ERBB2: variants seen among roughly 807,000 people sequenced by gnomAD.
ERBB2 encodes receptor tyrosine-protein kinase erbB-2.
In ERBB2, 61 loss-of-function variants were observed where a neutral mutation model predicts 149.0. The observed-to-expected ratio is 0.41, with a 90% CI of 0.33 to 0.51. The LOEUF is 0.51. Among genes scored for constraint, ERBB2 ranks in the 20% least tolerant of loss-of-function variants. ERBB2 has a pLI of 0.25. For synonymous variants in ERBB2, 633 were observed against 678.8 expected, an observed-to-expected ratio of 0.93 and a Z score of 1.05; for missense variants, 1,205 against 1,655.1, an observed-to-expected ratio of 0.73 and a Z score of 4.72.
intron 1 of ERBB2, among the ~76,000 whole-genome samples, chr17:39,701,320 T>C (rs1257907493): frequency 6.6e-6 from 1 of 152,176 alleles, no homozygotes; most frequent in East Asian, 1.9e-4. Context: ...TCTGCCAGCA[T>C]TCTGGACTGA....
chr17:39,697,646 G>A (rs575699314), upstream of ERBB2, among the ~76,000 whole-genome samples: 174 of 148,782 alleles, frequency 1.2e-3, no homozygotes, highest in African/African-American at 4.2e-3. Flanking sequence ...ATGAGCCACC[G>A]CACCCAGCCG....
chr17:39,701,902 C>T (rs894979191), intron 1 of ERBB2, among the ~76,000 whole-genome samples: 1 of 152,188 alleles, frequency 6.6e-6, no homozygotes. Context: ...CTCTCATCTT[C>T]TGATGAGAAG....
rs578192771 is a variant in ERBB2 at position 39,700,448 on chromosome 17, C to T, written c.73+137C>T. On this transcript the variant is annotated intron_variant, in intron 1 of 26. Transcript: ENST00000269571. ...CCCGAAGTTGTGGACAGTCGAGACG[C>T]TCAGGGCAGCCGGGCCCTGGGGCCC... is the stretch of plus-strand genomic sequence containing the variant. The T allele has an allele frequency of 7.6e-5, 54 of 708,414 alleles. 1 individual carries two copies. Among genetic ancestry groups the T allele is most frequent in the Admixed American group, 2.6e-4 (6 of 22,906 alleles). The allele number at this position is 708,414 out of a possible 1,614,324, so 43.9% of individuals were successfully genotyped here. A position where few individuals can be genotyped will look rare whatever the true frequency, so the allele number is the denominator to read the frequency against.
At chr17:39,718,447 G>A (rs1002391783) in intron 15 of ERBB2, among the ~76,000 whole-genome samples, 1 of 152,112 alleles carries the variant, frequency 6.6e-6, no homozygotes, top group Non-Finnish European at 1.5e-5. Flanking sequence ...CACTTATATA[G>A]ACATACTACA....
chr17:39,723,890 A>G lies in ERBB2; in HGVS notation c.2209-22A>G, dbSNP rs1250288669. Reference sequence around the variant, plus strand: ...GATCCAGCCCACGCTCTTCTCACTCATATCCTCCTCTTTCTGCCCAGGGCA... The same window carrying G: ...GATCCAGCCCACGCTCTTCTCACTCGTATCCTCCTCTTTCTGCCCAGGGCA... On this transcript the variant is annotated intron_variant, in intron 18 of 26. Coordinates refer to ENST00000269571, the MANE Select transcript of ERBB2 (RefSeq NM_004448.4). This position sits in a 1 kb window ranked among gnomAD's most constrained non-coding sequence, Gnocchi z 6.2. The G allele has an allele frequency of 6.3e-6, 10 of 1,599,648 alleles. No individual in the cohort carries two copies. The highest frequency in any genetic ancestry group is 3.3e-4 in the Middle Eastern group (2 of 6,034).
At position 39,708,196 on chromosome 17, in the gene ERBB2, G is replaced by A. The variant is rs1023111452; in HGVS notation, c.226-125G>A. ...ATCTCTATTTTATCGTTTTATTTAA[G>A]CGGGAACAGGACTGCTCAGTGGCTG... On this transcript the variant is annotated intron_variant, in intron 2 of 26. Coordinates refer to ENST00000269571, the MANE Select transcript of ERBB2 (RefSeq NM_004448.4). 5 of 635,830 alleles carry A rather than the reference G, an allele frequency of 7.9e-6. No homozygotes were observed. In the Admixed American group the frequency reaches 1.2e-4, roughly 15 times the overall value. The allele number at this position is 635,830 out of a possible 1,614,324, so 39.4% of individuals were successfully genotyped here. A position where few individuals can be genotyped will look rare whatever the true frequency, so the allele number is the denominator to read the frequency against.
At chr17:39,699,513 C>A, upstream of ERBB2, 2 of 1,521,370 alleles carry the variant, frequency 1.3e-6, no homozygotes, top group Non-Finnish European at 1.8e-6. Flanking sequence ...AATTTGTAGA[C>A]CCTCTTAAGA....
chr17:39,713,509 G>A (rs1219725756), intron 9 of ERBB2, among the ~76,000 whole-genome samples: 1 of 151,766 alleles, frequency 6.6e-6, no homozygotes, highest in African/African-American at 2.4e-5. Flanking sequence ...CCAGCACTTT[G>A]GGAGGCCGAG....
At chr17:39,691,296 C>A (rs1370596088), upstream of ERBB2, among the ~76,000 whole-genome samples, 1 of 151,984 alleles carries the variant, frequency 6.6e-6, no homozygotes, top group Non-Finnish European at 1.5e-5. Flanking sequence ...GTAATCCCAG[C>A]ACTGTGGGAG....
At chr17:39,719,112 T>C (rs2145736856) in intron 15 of ERBB2, among the ~76,000 whole-genome samples, 1 of 150,910 alleles carries the variant, frequency 6.6e-6, no homozygotes, top group African/African-American at 2.4e-5. Flanking sequence ...AATACAAAAA[T>C]TAGCCAGGCG....
intron 1 of ERBB2, 62 bp downstream of exon 1, chr17:39,700,373 C>A (rs1168446751): frequency 2.4e-6 from 3 of 1,228,584 alleles, no homozygotes; most frequent in Non-Finnish European, 3.1e-6. Flanking sequence ...GATGCCCCGC[C>A]GAGGTCCCGC....
At position 39,726,467 on chromosome 17, in the gene ERBB2, G is replaced by T; in HGVS notation, c.2873-95G>T. 9.8e-7 allele frequency: 1 copy of T among 1,022,244 alleles called. No homozygotes were observed. The highest frequency in any genetic ancestry group is 1.9e-5 in the Admixed American group (1 of 52,828). 63.3% of individuals were successfully genotyped at this position (1,022,244 alleles called of 1,614,324 possible). On this transcript the variant is annotated intron_variant, in intron 23 of 26. Coordinates refer to ENST00000269571, the MANE Select transcript of ERBB2 (RefSeq NM_004448.4). This position sits in a 1 kb window ranked among gnomAD's most constrained non-coding sequence, Gnocchi z 5.1. Reference sequence around the variant, plus strand: ...CCTGAGGGCTTTGGGCTGTCCCTTGGGACTGTCTAGACCAGACTGGAGGGG... The same window carrying T: ...CCTGAGGGCTTTGGGCTGTCCCTTGTGACTGTCTAGACCAGACTGGAGGGG...
chr17:39,728,148 A>G lies in ERBB2; in HGVS notation c.*104A>G. On this transcript the variant is annotated 3_prime_UTR_variant, in exon 27 of 27. Coordinates refer to ENST00000269571, the MANE Select transcript of ERBB2 (RefSeq NM_004448.4). ...GTGGGAGGGCCCTCCGACCACTTCC[A>G]GGGGAACCTGCCATGCCAGGAACCT... The G allele has an allele frequency of 3.9e-6, 3 of 775,268 alleles. No homozygotes were observed. 48.0% of individuals were successfully genotyped at this position (775,268 alleles called of 1,614,324 possible). A position where few individuals can be genotyped will look rare whatever the true frequency, so the allele number is the denominator to read the frequency against.
rs994120817 is a variant in ERBB2 at position 39,700,152 on chromosome 17, G to T, written c.-87G>T. The stretch of plus-strand genomic sequence containing the variant: ...GGGCCCTTTACTGCGCCGCGCGCCC[G>T]GCCCCCACCCCTCGCAGCACCCCGC... On this transcript the variant is annotated 5_prime_UTR_variant, in exon 1 of 27. Transcript: ENST00000269571. 9 of 1,319,692 alleles carry T rather than the reference G, an allele frequency of 6.8e-6. No homozygotes were observed. The highest frequency in any genetic ancestry group is 5.7e-4 in the Middle Eastern group (2 of 3,508). The allele number at this position is 1,319,692 out of a possible 1,614,324, so 81.7% of individuals were successfully genotyped here.
chr17:39,708,214 A>G, intron 2 of ERBB2, 107 bp from the exon 3 acceptor site: 1 of 747,020 alleles, frequency 1.3e-6, no homozygotes, highest in East Asian at 2.6e-5. Flanking sequence ...AGGACTGCTC[A>G]GTGGCTGGGG....
chr17:39,695,758 C>CACACACACACGT (rs2057850041), upstream of ERBB2, among the ~76,000 whole-genome samples: 1 of 148,802 alleles, frequency 6.7e-6, no homozygotes, highest in Non-Finnish European at 1.5e-5. Flanking sequence ...CACACACACA[C>CACACACACACGT]GTCTCCTGTG....
chr17:39,697,349 G>T (rs12103924), upstream of ERBB2, among the ~76,000 whole-genome samples: 10,155 of 131,860 alleles, frequency 0.077, 1,043 homozygotes, highest in African/African-American at 0.24. Flanking sequence ...TTGTTTTTTT[G>T]TTTTGTTTTT....
chr17:39,701,950 C>T (rs554065037), intron 1 of ERBB2, among the ~76,000 whole-genome samples: 1 of 152,244 alleles, frequency 6.6e-6, no homozygotes, highest in Non-Finnish European at 1.5e-5. Flanking sequence ...GAGCTGCTGC[C>T]CTTCCTCACC....
chr17:39,716,031 AG>A lies in ERBB2; in HGVS notation c.1513+93del. On this transcript the variant is annotated intron_variant, in intron 12 of 26. Transcript: ENST00000269571. ...GGCAGCAGCGTTCTTGGACTTGTGC[AG>A]ACTGCCCGTCTCTGTGCACCCTTCT... The A allele has an allele frequency of 3.1e-6, 4 of 1,305,574 alleles. No homozygotes were observed. In the South Asian group the frequency reaches 3.9e-5, roughly 13 times the overall value. The allele number at this position is 1,305,574 out of a possible 1,614,324, so 80.9% of individuals were successfully genotyped here. A position where few individuals can be genotyped will look rare whatever the true frequency, so the allele number is the denominator to read the frequency against.
Sources: gnomAD v4.1 joint callset for allele counts (sites outside exome capture counted in the v4.1 genomes callset) on GRCh38, gnomAD v4.1.1 for gene constraint, Gnocchi (gnomAD v3.1) non-coding constraint, MANE v1.5 for transcripts, NCBI Gene and HGNC (gene_info 2026-07-23, HGNC 2026-07-21) for gene names.